The following N4BP1 variants were observed in gnomAD, a reference collection of about 807,000 sequenced individuals.
N4BP1 encodes NEDD4 binding protein 1, also known as NEDD4-binding protein 1.
In N4BP1, 21 loss-of-function variants were observed where a neutral mutation model predicts 70.9. The observed-to-expected ratio is 0.30, with a 90% confidence interval of 0.21 to 0.43. The LOEUF is 0.43. N4BP1 is among the 20% of genes least tolerant of loss of function. The pLI is 1.00. For synonymous variants in N4BP1, 387 were observed against 394.6 expected (o/e 0.98, Z 0.23); for missense variants, 936 against 1,069.4 (o/e 0.88, Z 1.74).
chr16:48,564,294 A>G (rs1250601246), intron 1 of N4BP1, among the ~76,000 whole-genome samples: 2 of 152,170 alleles, frequency 1.3e-5, no homozygotes, highest in Admixed American at 1.3e-4. Flanking sequence ...CTCCAATGTT[A>G]TCGTCTAAGT....
intron 1 of N4BP1, among the ~76,000 whole-genome samples, chr16:48,573,893 C>T (rs562261024): frequency 6.6e-6 from 1 of 152,228 alleles, no homozygotes; most frequent in South Asian, 2.1e-4. Context: ...GTTTACTATT[C>T]ATTAAGTGGA....
At chr16:48,587,267 C>T (rs1297018430) in intron 1 of N4BP1, 2 of 152,202 alleles carry the variant, frequency 1.3e-5, no homozygotes, top group Admixed American at 1.3e-4. Flanking sequence ...GTATAAGCGA[C>T]ATCCCTTAAG....
rs1289178389 is a variant in N4BP1, at chr16:48,543,029, C to T, written c.2566G>A (p.Glu856Lys). The change falls in exon 7 of 7, where the codon GAG becomes AAG. Residue 856 changes from glutamate (E) to lysine (K), a missense_variant. Glu to Lys is a moderately conservative substitution (Grantham distance 56). Coordinates refer to ENST00000262384, the MANE Select transcript of N4BP1 (RefSeq NM_153029.4). ...PAQRSSAETNELREALLKIFP... is the reference protein window; with the variant it reads ...PAQRSSAETNKLREALLKIFP... ...ATCTTCAGAAGGGCTTCCCTCAGCTCGTTGGTTTCTGCAGAAGATCTCTGA... is the reference window on the plus strand; with the variant it reads ...ATCTTCAGAAGGGCTTCCCTCAGCTTGTTGGTTTCTGCAGAAGATCTCTGA... The T allele has an allele frequency of 4.3e-6, 7 of 1,613,872 alleles. No individual in the cohort carries two copies. Among genetic ancestry groups the T allele is most frequent in the Admixed American group, 3.3e-5 (2 of 60,006 alleles).
At chr16:48,545,125 C>T (rs1323458448) in intron 6 of N4BP1, among the ~76,000 whole-genome samples, 1 of 152,008 alleles carries the variant, frequency 6.6e-6, no homozygotes, top group Non-Finnish European at 1.5e-5. Context: ...CCACCACACC[C>T]AGCTAATTTT....
intron 1 of N4BP1, among the ~76,000 whole-genome samples, chr16:48,570,022 CAGAG>C (rs1198549137): frequency 1.3e-5 from 2 of 152,052 alleles, no homozygotes; most frequent in African/African-American, 4.8e-5. Context: ...CTAGGACACA[CAGAG>C]AGAAAAATCA....
intron 1 of N4BP1, among the ~76,000 whole-genome samples, chr16:48,606,011 T>C (rs577958188): frequency 2.6e-4 from 39 of 152,316 alleles, no homozygotes; most frequent in Non-Finnish European, 4.3e-4. Flanking sequence ...CTTGCACACA[T>C]TGCAGTTGTT....
chr16:48,600,730 A>G, intron 1 of N4BP1: 1 of 335,286 alleles, frequency 3.0e-6, no homozygotes, highest in South Asian at 2.8e-5. Flanking sequence ...TATTTTTTAC[A>G]TAAGGTCACT....
At chr16:48,581,865 T>C (rs1032201079) in intron 1 of N4BP1, among the ~76,000 whole-genome samples, 5 of 151,306 alleles carry the variant, frequency 3.3e-5, no homozygotes, top group Admixed American at 2.6e-4. Context: ...GATGAAAACA[T>C]AGAGGAAAAG....
Position 48,542,456 on chromosome 16 carries a change from A to T in N4BP1, c.*448T>A, listed in dbSNP as rs1008451585. 6.5e-6 allele frequency: 1 copy of T among 153,064 alleles called. No homozygotes were observed. Among genetic ancestry groups the T allele is most frequent in the Admixed American group, 6.5e-5 (1 of 15,296 alleles). 9.5% of individuals were successfully genotyped at this position (153,064 alleles called of 1,614,324 possible). A position where few individuals can be genotyped will look rare whatever the true frequency, so the allele number is the denominator to read the frequency against. On this transcript the variant is annotated 3_prime_UTR_variant, in exon 7 of 7. Transcript: ENST00000262384. ...GAGGCTGGAAGGGTGAGCACACTTC[A>T]TGGTAGTGATGGGACATACTCATCT...
chr16:48,559,633 T>C (rs1027227564), intron 2 of N4BP1: 6 of 152,188 alleles, frequency 3.9e-5, no homozygotes, highest in South Asian at 4.1e-4. Flanking sequence ...AGGCTGCCAA[T>C]TGTTCAGACC....
Position 48,553,676 on chromosome 16 carries a change from A to G in N4BP1, c.1890-7T>C. On this transcript the variant is annotated splice_region_variant and splice_polypyrimidine_tract_variant and intron_variant, in intron 2 of 6. Transcript: ENST00000262384. Reference sequence around the variant, plus strand: ...GAACTTTTTCAGACCATGGCTAGAAATTACAAAGTAAAGAAAATAAGTAAA... The same window carrying G: ...GAACTTTTTCAGACCATGGCTAGAAGTTACAAAGTAAAGAAAATAAGTAAA... 6.4e-7 allele frequency: 1 copy of G among 1,553,940 alleles called. No individual in the cohort carries two copies. Among genetic ancestry groups the G allele is most frequent in the Non-Finnish European group, 8.7e-7 (1 of 1,151,588 alleles).
At chr16:48,555,022 C>A (rs1963729761) in intron 2 of N4BP1, among the ~76,000 whole-genome samples, 1 of 152,230 alleles carries the variant, frequency 6.6e-6, no homozygotes, top group African/African-American at 2.4e-5. Flanking sequence ...TATCTCACCC[C>A]TCCCGGTCTC....
Position 48,561,945 on chromosome 16 carries a change from T to C in N4BP1, c.698A>G (p.Gln233Arg), listed in dbSNP as rs1251619387. Residue 233 changes from glutamine to arginine, a missense_variant, in exon 2 of 7, where the codon CAG (glutamine) becomes CGG (arginine). By Grantham distance (43) the Gln-to-Arg change is conservative. Transcript: ENST00000262384. Reference sequence around the variant, plus strand: ...CCCAGCTTTATTTCTTGCCTCTTCCTGCAAAACAGTTTCATCTCTAGAAAT... The same window carrying C: ...CCCAGCTTTATTTCTTGCCTCTTCCCGCAAAACAGTTTCATCTCTAGAAAT... The part of the protein sequence containing the change: ...LNISRDETVL[Q>R]EEARNKAGTP... 1.2e-6 allele frequency: 2 copies of C among 1,613,990 alleles called. No individual in the cohort carries two copies. The highest frequency in any genetic ancestry group is 1.3e-5 in the African/African-American group (1 of 75,072).
intron 4 of N4BP1, among the ~76,000 whole-genome samples, chr16:48,548,700 T>C (rs991085913): frequency 2.6e-5 from 4 of 151,868 alleles, no homozygotes; most frequent in Admixed American, 1.3e-4. Context: ...ATACAAAAAA[T>C]TAGCCGGGTG....
At chr16:48,570,738 CG>C (rs1322100482) in intron 1 of N4BP1, among the ~76,000 whole-genome samples, 1 of 152,124 alleles carries the variant, frequency 6.6e-6, no homozygotes, top group Non-Finnish European at 1.5e-5. Flanking sequence ...GCATTCTGCC[CG>C]GGTTTTACTG....
intron 2 of N4BP1, 175 bp downstream of exon 2, chr16:48,560,578 AG>A: frequency 1.5e-6 from 1 of 682,186 alleles, no homozygotes. Flanking sequence ...TGAATCCAGA[AG>A]ATGGACTGAC....
At chr16:48,589,179 A>G (rs1964294386) in intron 1 of N4BP1, among the ~76,000 whole-genome samples, 1 of 152,174 alleles carries the variant, frequency 6.6e-6, no homozygotes, top group East Asian at 1.9e-4. Flanking sequence ...ATTTCCTGGC[A>G]TACAACTTTT....
chr16:48,558,092 T>TA (rs1029312475), intron 2 of N4BP1, among the ~76,000 whole-genome samples: 31 of 152,298 alleles, frequency 2.0e-4, no homozygotes, highest in Admixed American at 2.0e-3. Context: ...CACTCCAAAA[T>TA]AAAACTCTAT....
chr16:48,583,549 T>C (rs1358562401), intron 1 of N4BP1, among the ~76,000 whole-genome samples: 1 of 152,226 alleles, frequency 6.6e-6, no homozygotes, highest in African/African-American at 2.4e-5. Flanking sequence ...AGAATAGATA[T>C]GTGTCCTCAC....
Sources: allele counts gnomAD v4.1 joint callset (sites outside exome capture counted in the v4.1 genomes callset), GRCh38; gene constraint gnomAD v4.1.1; transcripts MANE v1.5; gene names NCBI Gene and HGNC (gene_info 2026-07-23, HGNC 2026-07-21).